The following SLC25A13 variants were observed in gnomAD, a reference collection of about 807,000 sequenced individuals.
The protein encoded by SLC25A13 is solute carrier family 25 member 13, also known as electrogenic aspartate/glutamate antiporter SLC25A13, mitochondrial.
A neutral mutation model predicts 85.5 loss-of-function variants in SLC25A13; 70 were observed. That is an observed-to-expected ratio of 0.82 (90% CI 0.68 to 1.00). The LOEUF (loss-of-function observed/expected upper bound fraction) is 1.00. Among genes scored for constraint, SLC25A13 ranks in the 50% least tolerant of loss-of-function variants. The probability of loss-of-function intolerance (pLI) is 0.00; values close to 1 mark genes in which losing one functional copy is unlikely to be tolerated. For synonymous variants in SLC25A13, 259 were observed against 288.7 expected, an observed-to-expected ratio of 0.90 and a Z score of 1.04; for missense variants, 765 against 819.8, an observed-to-expected ratio of 0.93 and a Z score of 0.82.
chr7:96,269,983 G>A (rs1258704698), intron 3 of SLC25A13, among the ~76,000 whole-genome samples: 1 of 152,198 alleles, frequency 6.6e-6, no homozygotes, highest in African/African-American at 2.4e-5. Context: ...TATGGGGAAA[G>A]GCCCTGGAGT....
intron 2 of SLC25A13, among the ~76,000 whole-genome samples, chr7:96,283,987 T>C (rs1798792645): frequency 6.6e-6 from 1 of 152,178 alleles, no homozygotes; most frequent in Non-Finnish European, 1.5e-5. Flanking sequence ...GGTAACTTAC[T>C]GCGCAAGAAA....
intron 3 of SLC25A13, among the ~76,000 whole-genome samples, chr7:96,254,902 C>A (rs977134487): frequency 1.3e-5 from 2 of 152,114 alleles, no homozygotes; most frequent in Admixed American, 1.3e-4. Flanking sequence ...CTGAGCATAC[C>A]TTCCTTCTGT....
chr7:96,135,269 G>A (rs1792227207), intron 14 of SLC25A13, among the ~76,000 whole-genome samples: 3 of 152,148 alleles, frequency 2.0e-5, no homozygotes, highest in Admixed American at 2.0e-4. Context: ...ACCTTCTCTG[G>A]TGTCTCCCTG....
At chr7:96,171,204 G>A (rs1793984672) in intron 12 of SLC25A13, among the ~76,000 whole-genome samples, 1 of 152,156 alleles carries the variant, frequency 6.6e-6, no homozygotes, top group Admixed American at 6.5e-5. Context: ...GCCTAATATG[G>A]TAGATACTGA....
chr7:96,208,748 G>T, intron 5 of SLC25A13, 90 bp downstream of exon 5: 1 of 1,431,728 alleles, frequency 7.0e-7, no homozygotes, highest in Non-Finnish European at 9.8e-7. Flanking sequence ...CTCGTCATCC[G>T]CCCACCTCGG....
chr7:96,247,375 T>C (rs62472365), intron 3 of SLC25A13, among the ~76,000 whole-genome samples: 4,630 of 152,230 alleles, frequency 0.03, 102 homozygotes, highest in Middle Eastern at 0.065. Context: ...AAAGTGCCCA[T>C]GTGTTGATTT....
intron 4 of SLC25A13, among the ~76,000 whole-genome samples, chr7:96,228,774 C>T (rs920322158): frequency 1.3e-5 from 2 of 152,138 alleles, no homozygotes; most frequent in African/African-American, 4.8e-5. Flanking sequence ...TCTGGGTGGG[C>T]GTGGGCTCCG....
At chr7:96,191,025 A>C in intron 7 of SLC25A13, 84 bp downstream of exon 7, 2 of 1,493,352 alleles carry the variant, frequency 1.3e-6, no homozygotes, top group Non-Finnish European at 1.9e-6. Flanking sequence ...ATAGAAAAAT[A>C]ATAAAGTACT....
intron 1 of SLC25A13, among the ~76,000 whole-genome samples, chr7:96,318,618 T>C (rs1270393846): frequency 6.6e-6 from 1 of 152,118 alleles, no homozygotes; most frequent in Admixed American, 6.5e-5. Context: ...AAATTCAAAA[T>C]AAAAAGCAGC....
intron 4 of SLC25A13, among the ~76,000 whole-genome samples, chr7:96,231,639 G>A (rs1796544023): frequency 6.6e-6 from 1 of 151,908 alleles, no homozygotes; most frequent in Admixed American, 6.6e-5. Context: ...CAGGAGAACT[G>A]CTTGAACCCA....
chr7:96,273,205 C>T (rs1230784779), intron 3 of SLC25A13, among the ~76,000 whole-genome samples: 1 of 152,074 alleles, frequency 6.6e-6, no homozygotes, highest in Admixed American at 6.5e-5. Flanking sequence ...GACCTTCAAC[C>T]AAATAACTCG....
chr7:96,127,459 C>T (rs1188262752), intron 15 of SLC25A13, among the ~76,000 whole-genome samples: 1 of 152,084 alleles, frequency 6.6e-6, no homozygotes, highest in African/African-American at 2.4e-5. Flanking sequence ...AACAAAAACA[C>T]CAAAACCCAA....
At chr7:96,152,251 T>C (rs1178393664) in intron 13 of SLC25A13, among the ~76,000 whole-genome samples, 2 of 152,142 alleles carry the variant, frequency 1.3e-5, no homozygotes, top group Non-Finnish European at 2.9e-5. Flanking sequence ...TGTGCGACTA[T>C]GTAGCAGCAG....
chr7:96,126,789 A>G (rs1791746987), intron 15 of SLC25A13, among the ~76,000 whole-genome samples: 1 of 152,188 alleles, frequency 6.6e-6, no homozygotes, highest in Non-Finnish European at 1.5e-5. Flanking sequence ...ATTTTAAGGT[A>G]TTTGGGAAGA....
At chr7:96,196,168 AG>A (rs1562834077) in intron 5 of SLC25A13, among the ~76,000 whole-genome samples, 1 of 152,244 alleles carries the variant, frequency 6.6e-6, no homozygotes, top group East Asian at 1.9e-4. Context: ...CTTCCAATTA[AG>A]GAAGAAGAAA....
intron 1 of SLC25A13, among the ~76,000 whole-genome samples, chr7:96,317,921 C>G (rs1381020025): frequency 1.3e-5 from 2 of 151,670 alleles, no homozygotes; most frequent in East Asian, 3.9e-4. Flanking sequence ...CCTGCCTTAG[C>G]CTCCCAAGTA....
At chr7:96,313,645 T>G (rs543716331) in intron 1 of SLC25A13, among the ~76,000 whole-genome samples, 1 of 152,240 alleles carries the variant, frequency 6.6e-6, no homozygotes, top group Non-Finnish European at 1.5e-5. Flanking sequence ...GTTGAAAAAC[T>G]AATTATTGGG....
At chr7:96,140,356 C>G (rs1324566730) in intron 14 of SLC25A13, among the ~76,000 whole-genome samples, 1 of 150,272 alleles carries the variant, frequency 6.7e-6, no homozygotes, top group Non-Finnish European at 1.5e-5. Flanking sequence ...CTGTTTTCCA[C>G]AGAGACTGTA....
In SLC25A13 at chr7:96,194,442, C is replaced by CAAAAAAAAAAAAAA. The variant is rs546248549; in HGVS notation, c.469-1273_469-1260dup. Reference sequence around the variant, plus strand: ...TGGGTGACAGAGTGAAACCTTGTCTCAAAAAAAAAAAAAAAAAAAAAAAAA... The same window carrying CAAAAAAAAAAAAAA: ...TGGGTGACAGAGTGAAACCTTGTCTCAAAAAAAAAAAAAAAAAAAAAAAAAAAAAAAAAAAAAAA... On this transcript the variant is annotated intron_variant, in intron 5 of 17. Coordinates refer to ENST00000265631, the MANE Select transcript of SLC25A13 (RefSeq NM_014251.3). Among the ~76,000 whole-genome samples, 203 of 27,684 alleles carry CAAAAAAAAAAAAAA rather than the reference C, an allele frequency of 7.3e-3. 25 individuals are homozygous for CAAAAAAAAAAAAAA. Among genetic ancestry groups the CAAAAAAAAAAAAAA allele is most frequent in the East Asian group, 0.02 (9 of 460 alleles). The allele number at this position is 27,684 out of a possible 152,430, so 18.2% of individuals were successfully genotyped here.
Sources: gnomAD v4.1 joint callset for allele counts (sites outside exome capture counted in the v4.1 genomes callset) on GRCh38, gnomAD v4.1.1 for gene constraint, MANE v1.5 for transcripts, NCBI Gene and HGNC (gene_info 2026-07-23, HGNC 2026-07-21) for gene names.